Variants in RABL3 observed in about 807,000 individuals in gnomAD.
The protein encoded by RABL3 is RAB, member of RAS oncogene family like 3.
RABL3 carries 31 observed loss-of-function variants against 31.8 expected under a neutral mutation model. The ratio of observed to expected loss-of-function variants is 0.97; its 90% CI spans 0.73 to 1.31. RABL3 has a LOEUF of 1.31. RABL3 is among the 40% of genes most tolerant of loss of function. RABL3 has a pLI of 0.00. For synonymous variants in RABL3, 97 were observed against 99.9 expected (o/e 0.97, Z 0.18); for missense variants, 263 against 279.6 (o/e 0.94, Z 0.42).
At chr3:120,695,290 A>G (rs939713865) in intron 5 of RABL3, among the ~76,000 whole-genome samples, 10 of 152,124 alleles carry the variant, frequency 6.6e-5, no homozygotes, top group African/African-American at 2.2e-4. Flanking sequence ...AAACCACAAA[A>G]AAGAGAGGCT....
chr3:120,697,906 C>T (rs1292883927), intron 5 of RABL3, among the ~76,000 whole-genome samples: 1 of 152,144 alleles, frequency 6.6e-6, no homozygotes, highest in Non-Finnish European at 1.5e-5. Flanking sequence ...TGGCTCGCGC[C>T]TGTAATCCCA....
chr3:120,724,831 T>G (rs6778803), intron 2 of RABL3, among the ~76,000 whole-genome samples: 1 of 151,062 alleles, frequency 6.6e-6, no homozygotes, highest in East Asian at 1.9e-4. Context: ...ATGTTAGACC[T>G]AAAACCATAA....
chr3:120,726,387 G>A (rs1466374700), intron 2 of RABL3, among the ~76,000 whole-genome samples: 1 of 152,144 alleles, frequency 6.6e-6, no homozygotes. Context: ...CACTTTGGGA[G>A]GCCAAGGTTG....
chr3:120,738,677 A>G (rs1312969200), intron 1 of RABL3: 1 of 152,234 alleles, frequency 6.6e-6, no homozygotes, highest in Non-Finnish European at 1.5e-5. Context: ...TCTAGTATTT[A>G]GATCAGAACC....
In RABL3 at chr3:120,729,337, T is replaced by C. The variant is rs527976389; in HGVS notation, c.138+1359A>G. Among the ~76,000 whole-genome samples the C allele has an allele frequency of 2.0e-5, 3 of 152,194 alleles. No individual in the cohort carries two copies. The South Asian group carries it at 6.2e-4, about 32-fold the overall frequency. On this transcript the variant is annotated intron_variant, in intron 2 of 7. Transcript: ENST00000273375. Reference sequence around the variant, plus strand: ...ATGACAGAAATGAAAAGGCGCTGTATAGGGATACTTTCACAATACAGCATA... The same window carrying C: ...ATGACAGAAATGAAAAGGCGCTGTACAGGGATACTTTCACAATACAGCATA...
At chr3:120,703,949 T>C (rs531465206) in intron 4 of RABL3, among the ~76,000 whole-genome samples, 1 of 152,314 alleles carries the variant, frequency 6.6e-6, no homozygotes, top group South Asian at 2.1e-4. Flanking sequence ...CAGGCCCAGA[T>C]GGTCTCTTGG....
At chr3:120,698,325 G>C (rs1708459893) in intron 5 of RABL3, 98 bp downstream of exon 5, 14 of 1,178,154 alleles carry the variant, frequency 1.2e-5, no homozygotes, top group Non-Finnish European at 1.7e-5. Context: ...CTGATTTCAA[G>C]TATAAAGCTT....
At chr3:120,729,219 T>G (rs1208437116) in intron 2 of RABL3, among the ~76,000 whole-genome samples, 1 of 152,186 alleles carries the variant, frequency 6.6e-6, no homozygotes, top group Non-Finnish European at 1.5e-5. Flanking sequence ...ATGGAAACTA[T>G]AGGTCTGTGC....
At chr3:120,733,574 T>C (rs1272636390) in intron 1 of RABL3, among the ~76,000 whole-genome samples, 2 of 152,234 alleles carry the variant, frequency 1.3e-5, no homozygotes, top group Non-Finnish European at 2.9e-5. Context: ...ATCCCATTTG[T>C]CAATTTTGGC....
intron 4 of RABL3, among the ~76,000 whole-genome samples, chr3:120,700,804 A>G (rs1458717586): frequency 6.6e-6 from 1 of 152,120 alleles, no homozygotes; most frequent in East Asian, 1.9e-4. Flanking sequence ...CTATATGTTG[A>G]TAATTGTTGA....
rs367700472 is a variant in RABL3, at chr3:120,694,242, A to C, written c.535-18T>G. On this transcript the variant is annotated intron_variant, in intron 5 of 7. Coordinates refer to ENST00000273375, the MANE Select transcript of RABL3 (RefSeq NM_173825.5). ...GTGCAGTCCTAGAAGATAAAACATA[A>C]GATCCACAATTGAAAGTTAGGAAAC... 6.6e-5 allele frequency: 104 copies of C among 1,579,040 alleles called. No individual in the cohort carries two copies. The highest frequency in any genetic ancestry group is 8.7e-5 in the Non-Finnish European group (100 of 1,153,576).
rs750603975 is a variant in RABL3 at position 120,685,796 on chromosome 3, CTGACT to C, written c.*4022_*4026del. 6.6e-6 allele frequency among the ~76,000 whole-genome samples: 1 copy of C among 152,182 alleles called. No individual in the cohort carries two copies. Among genetic ancestry groups the C allele is most frequent in the Non-Finnish European group, 1.5e-5 (1 of 68,026 alleles). On this transcript the variant is annotated 3_prime_UTR_variant, in exon 8 of 8. Transcript: ENST00000273375. ...ATTTGTCTTTCTTAAAGGCTAGATC[CTGACT>C]TATCTGCATGAGAAAAATCTGGCTT... is the stretch of plus-strand genomic sequence containing the variant.
chr3:120,725,828 A>G (rs1708812753), intron 2 of RABL3, among the ~76,000 whole-genome samples: 1 of 152,182 alleles, frequency 6.6e-6, no homozygotes, highest in African/African-American at 2.4e-5. Flanking sequence ...GGATAGCATT[A>G]GGAGATATAC....
chr3:120,712,109 T>A (rs1055676826), intron 2 of RABL3, among the ~76,000 whole-genome samples: 1 of 152,240 alleles, frequency 6.6e-6, no homozygotes, highest in African/African-American at 2.4e-5. Flanking sequence ...TTCAACTTAA[T>A]GCTTTACACT....
In RABL3 at chr3:120,689,849, T is replaced by C. The variant is rs755642714; in HGVS notation, c.685A>G (p.Thr229Ala). The C allele has an allele frequency of 3.7e-6, 6 of 1,613,322 alleles. No homozygotes were observed. The highest frequency in any genetic ancestry group is 1.7e-6 in the Non-Finnish European group (2 of 1,179,390). ...CAGTCATAATGAAGGCTCTTTAATG[T>C]TCCTGCCCCAAATCTTTTCCGATCA... is the stretch of plus-strand genomic sequence containing the variant. ...FPDRKRFGAGTLKSLHYD is the reference protein window; with the variant it reads ...FPDRKRFGAGALKSLHYD The change falls in exon 8 of 8, where the codon ACA (threonine) becomes GCA (alanine). Residue 229 changes from threonine (T) to alanine (A), a missense_variant. Coordinates refer to ENST00000273375, the MANE Select transcript of RABL3 (RefSeq NM_173825.5).
Position 120,698,586 on chromosome 3 carries a change from A to G in RABL3, c.384-13T>C. ...TTGATCATAATCCCTGTGATAAATAATAATGAAGAGGTGAATAGAATGTAT... is the reference window on the plus strand; with the variant it reads ...TTGATCATAATCCCTGTGATAAATAGTAATGAAGAGGTGAATAGAATGTAT... On this transcript the variant is annotated splice_polypyrimidine_tract_variant and intron_variant, in intron 4 of 7. Transcript: ENST00000273375. The G allele has an allele frequency of 7.5e-6, 12 of 1,599,968 alleles. No homozygotes were observed. Among genetic ancestry groups the G allele is most frequent in the Non-Finnish European group, 9.4e-6 (11 of 1,169,854 alleles).
chr3:120,721,071 T>C (rs1708734012), intron 2 of RABL3, among the ~76,000 whole-genome samples: 2 of 152,232 alleles, frequency 1.3e-5, no homozygotes, highest in South Asian at 4.1e-4. Flanking sequence ...CAGAATTTCA[T>C]ATCCAGCCAA....
At chr3:120,741,520 G>A (rs1251629672) in intron 1 of RABL3, among the ~76,000 whole-genome samples, 1 of 152,086 alleles carries the variant, frequency 6.6e-6, no homozygotes, top group Non-Finnish European at 1.5e-5. Flanking sequence ...TCTATAAAAT[G>A]CAAGGTCAGC....
intron 7 of RABL3, 75 bp downstream of exon 7, chr3:120,690,374 C>A: frequency 9.1e-7 from 1 of 1,104,674 alleles, no homozygotes; most frequent in Admixed American, 1.8e-5. Context: ...CTTTTTAAAA[C>A]TACTTCTGAA....
Sources: allele counts gnomAD v4.1 joint callset (sites outside exome capture counted in the v4.1 genomes callset), GRCh38; gene constraint gnomAD v4.1.1; transcripts MANE v1.5; gene names NCBI Gene and HGNC (gene_info 2026-07-23, HGNC 2026-07-21).